The following ARVCF variants were observed in gnomAD, a reference collection of about 807,000 sequenced individuals.
ARVCF encodes the protein splicing regulator ARVCF.
ARVCF carries 66 observed loss-of-function variants against 90.9 expected under a neutral mutation model. The ratio of observed to expected loss-of-function variants is 0.73; its 90% confidence interval spans 0.60 to 0.89. The LOEUF (loss-of-function observed/expected upper bound fraction) is 0.89. ARVCF is among the 40% of genes least tolerant of loss of function. The pLI is 0.00. For missense variants in ARVCF, 1,469 were observed against 1,382.3 expected (o/e 1.06, Z -1.00); for synonymous variants, 653 against 603.4 (o/e 1.08, Z -1.21).
At chr22:20,003,228 A>G (rs1944504362) in intron 2 of ARVCF, among the ~76,000 whole-genome samples, 1 of 152,232 alleles carries the variant, frequency 6.6e-6, no homozygotes, top group African/African-American at 2.4e-5. Flanking sequence ...AAACTGAATC[A>G]GTAATCAAAA....
At chr22:19,984,706 T>C (rs562992137) in intron 3 of ARVCF, among the ~76,000 whole-genome samples, 2 of 152,072 alleles carry the variant, frequency 1.3e-5, no homozygotes, top group Non-Finnish European at 2.9e-5. Flanking sequence ...GCGCCCACTG[T>C]TCCCAGAGGC....
intron 8 of ARVCF, 105 bp downstream of exon 8, chr22:19,977,852 AC>A (rs894341467): frequency 2.9e-5 from 38 of 1,323,974 alleles, no homozygotes; most frequent in Non-Finnish European, 3.6e-5. Flanking sequence ...GCCACCCCAG[AC>A]CCACAAGCCC....
At position 20,002,090 on chromosome 22, in the gene ARVCF, A is replaced by G. The variant is rs560100059; in HGVS notation, c.-19+8365T>C. Among the ~76,000 whole-genome samples the G allele has an allele frequency of 7.9e-5, 12 of 152,264 alleles. No homozygotes were observed. In the South Asian group the frequency reaches 2.5e-3, roughly 32 times the overall value. On this transcript the variant is annotated intron_variant, in intron 2 of 19. Transcript: ENST00000263207. ...AACCACAGAAAAACGGCCAGAAACC[A>G]CCTCAACAGGAGTACGTCCAACGGG...
chr22:19,979,630 G>C (rs1943366549), intron 6 of ARVCF, 113 bp downstream of exon 6: 13 of 1,428,628 alleles, frequency 9.1e-6, no homozygotes, highest in Non-Finnish European at 1.2e-5. Context: ...CTGCACTCCT[G>C]CCTACCGGGT....
intron 2 of ARVCF, among the ~76,000 whole-genome samples, chr22:20,009,843 G>A (rs889302759): frequency 6.6e-6 from 1 of 152,248 alleles, no homozygotes; most frequent in East Asian, 1.9e-4. Context: ...CAGTACACAT[G>A]GCCTACGGCT....
In ARVCF at chr22:19,971,500, C is replaced by T. The variant is rs373562209; in HGVS notation, c.2782-165G>A. Among the ~76,000 whole-genome samples the T allele has an allele frequency of 7.2e-5, 11 of 152,264 alleles. No individual in the cohort carries two copies. The East Asian group carries it at 1.5e-3, about 21-fold the overall frequency. On this transcript the variant is annotated intron_variant, in intron 18 of 19. Transcript: ENST00000263207. ...GGGAGCCGGAAACGTGTGGCTCACA[C>T]GGGCCCAGGGCGGGCACGTGCACAC...
chr22:19,990,805 C>T lies in ARVCF; in HGVS notation c.-11G>A, dbSNP rs1029871924. 1 of 1,548,644 alleles carries T rather than the reference C, an allele frequency of 6.5e-7. No individual in the cohort carries two copies. On this transcript the variant is annotated 5_prime_UTR_variant, in exon 3 of 20. Transcript: ENST00000263207. ...ATTGCAGTCCTCCATGACCAGAGCG[C>T]CCGCCAGCTGCAGGCAAAGCAGAGT...
At chr22:19,980,601 A>C in intron 5 of ARVCF, 1 of 244,602 alleles carries the variant, frequency 4.1e-6, no homozygotes, top group Non-Finnish European at 7.8e-6. Context: ...CCCTTCCACA[A>C]AACCACCCCA....
rs1436720674 is a variant in ARVCF, at chr22:19,976,667, A to C, written c.1888+39T>G. 3 of 1,552,020 alleles carry C rather than the reference A, an allele frequency of 1.9e-6. No homozygotes were observed. In the African/African-American group the frequency reaches 4.1e-5, roughly 21 times the overall value. ...TCGCCTCTTCCCAGGTACCCACTGC[A>C]CACGCCAGGCCTGGAGAGCAGGATA... On this transcript the variant is annotated intron_variant, in intron 10 of 19. Transcript: ENST00000263207.
intron 7 of ARVCF, among the ~76,000 whole-genome samples, chr22:19,978,335 C>T (rs1283480412): frequency 5.3e-5 from 8 of 152,302 alleles, no homozygotes; most frequent in African/African-American, 1.9e-4. Flanking sequence ...CCCTGCCTCC[C>T]AGCTGACCTG....
Position 19,987,867 on chromosome 22 carries a change from TC to T in ARVCF, c.210+2717del, listed in dbSNP as rs2146364319. ...GAAGCCCCGAATGCACCCCCACTGC[TC>T]CCCCAGGCCAGCCTCAATGTGGGCC... On this transcript the variant is annotated intron_variant, in intron 3 of 19. Transcript: ENST00000263207. 2.0e-5 allele frequency among the ~76,000 whole-genome samples: 3 copies of T among 151,594 alleles called. No homozygotes were observed. In the South Asian group the frequency reaches 6.3e-4, roughly 32 times the overall value.
chr22:19,981,649 G>C lies in ARVCF; in HGVS notation c.458C>G (p.Pro153Arg). 2.5e-6 allele frequency: 4 copies of C among 1,609,818 alleles called. No homozygotes were observed. Among genetic ancestry groups the C allele is most frequent in the Non-Finnish European group, 3.4e-6 (4 of 1,179,468 alleles). Residue 153 changes from proline (P) to arginine (R), a missense_variant, in exon 5 of 20, where the codon CCC (proline) becomes CGC (arginine). By Grantham distance (103) the Pro-to-Arg change is moderately radical. Transcript: ENST00000263207. Reference sequence around the variant, plus strand: ...ACCATCTGCAAAAGGGCCTAGTGGGGGGCCGCCATCCAGCAGGGGGAGTCC... The same window carrying C: ...ACCATCTGCAAAAGGGCCTAGTGGGCGGCCGCCATCCAGCAGGGGGAGTCC... ...PDGLPLLDGGPPLGPFADGAL... is the reference protein window; with the variant it reads ...PDGLPLLDGGRPLGPFADGAL...
intron 11 of ARVCF, among the ~76,000 whole-genome samples, chr22:19,975,303 A>G (rs943539381): frequency 6.6e-6 from 1 of 152,158 alleles, no homozygotes; most frequent in African/African-American, 2.4e-5. Context: ...CTGAACCTGG[A>G]TGTGAGCATG....
At chr22:19,980,483 C>T in intron 5 of ARVCF, 1 of 505,314 alleles carries the variant, frequency 2.0e-6, no homozygotes, top group Non-Finnish European at 3.2e-6. Flanking sequence ...GGCAACCCTC[C>T]CAGGACAGCA....
intron 2 of ARVCF, 56 bp downstream of exon 2, chr22:20,010,397 AAC>A (rs941128629): frequency 1.9e-4 from 29 of 152,450 alleles, no homozygotes; most frequent in African/African-American, 7.0e-4. Flanking sequence ...GGCCCACCAG[AAC>A]ACTCTGCTGT....
chr22:19,997,144 G>A (rs550717023), intron 2 of ARVCF, among the ~76,000 whole-genome samples: 45 of 152,354 alleles, frequency 3.0e-4, no homozygotes, highest in Admixed American at 5.2e-4. Flanking sequence ...GTGTGGGGCT[G>A]ATACGGAAGC....
Position 19,979,652 on chromosome 22 carries a change from C to T in ARVCF, c.1396+91G>A, listed in dbSNP as rs781683604. ...CCTGCCTACCGGGTGCTTTCCCAGG[C>T]GGTCGCAGGCCGAGTGGCCTCGTTC... is the stretch of plus-strand genomic sequence containing the variant. On this transcript the variant is annotated intron_variant, in intron 6 of 19. Coordinates refer to ENST00000263207, the MANE Select transcript of ARVCF (RefSeq NM_001670.3). 40 of 1,459,786 alleles carry T rather than the reference C, an allele frequency of 2.7e-5. No individual in the cohort carries two copies. In the Admixed American group the frequency reaches 3.0e-4, roughly 11 times the overall value. The allele number at this position is 1,459,786 out of a possible 1,614,324, so 90.4% of individuals were successfully genotyped here.
chr22:20,012,654 C>T lies in ARVCF; in HGVS notation c.-72-2146G>A, dbSNP rs1050124013. 2.6e-5 allele frequency among the ~76,000 whole-genome samples: 4 copies of T among 152,236 alleles called. No individual in the cohort carries two copies. In the East Asian group the frequency reaches 5.8e-4, roughly 22 times the overall value. On this transcript the variant is annotated intron_variant, in intron 1 of 19. Coordinates refer to ENST00000263207, the MANE Select transcript of ARVCF (RefSeq NM_001670.3). ...CCTGGGCCTACCCATGCCATGGGAC[C>T]CCCACACTGGGTCTCCCCACCAAAC...
intron 10 of ARVCF, among the ~76,000 whole-genome samples, chr22:19,976,031 C>T (rs1046066738): frequency 6.6e-6 from 1 of 152,090 alleles, no homozygotes. Flanking sequence ...CAGACCCTCC[C>T]GGTGGCTCCC....
Sources: gnomAD v4.1 joint callset for allele counts (sites outside exome capture counted in the v4.1 genomes callset) on GRCh38, gnomAD v4.1.1 for gene constraint, MANE v1.5 for transcripts, NCBI Gene and HGNC (gene_info 2026-07-23, HGNC 2026-07-21) for gene names.